The following SLC45A2 variants were observed in gnomAD, a reference collection of about 807,000 sequenced individuals.
SLC45A2 encodes solute carrier family 45 member 2.
A neutral mutation model predicts 45.5 loss-of-function variants in SLC45A2; 36 were observed. That is an observed-to-expected ratio of 0.79 (90% CI 0.61 to 1.04). The LOEUF is 1.04. Ranked by LOEUF, SLC45A2 falls within the 50% of genes least tolerant of loss-of-function variation. The pLI is 0.00. For synonymous variants in SLC45A2, 306 were observed against 269.3 expected (o/e 1.14, Z -1.33); for missense variants, 719 against 671.0 (o/e 1.07, Z -0.79).
At chr5:33,982,061 C>T (rs1753090238) in intron 2 of SLC45A2, among the ~76,000 whole-genome samples, 175 bp downstream of exon 2, 1 of 152,250 alleles carries the variant, frequency 6.6e-6, no homozygotes. Context: ...CAGCACTAGT[C>T]ACAAGCTGAC....
rs138114400 is a variant in SLC45A2, at chr5:33,945,668, G to A, written c.1369-796C>T. 1.6e-4 allele frequency among the ~76,000 whole-genome samples: 24 copies of A among 151,070 alleles called. No individual in the cohort carries two copies. In the East Asian group the frequency reaches 4.4e-3, roughly 28 times the overall value. ...CATTTTGAGTCTTTGTCGGGTGCTA[G>A]GGGGCACTATGCTAAGCACATCCAC... On this transcript the variant is annotated intron_variant, in intron 6 of 6. Coordinates refer to ENST00000296589, the MANE Select transcript of SLC45A2 (RefSeq NM_016180.5).
intron 2 of SLC45A2, among the ~76,000 whole-genome samples, chr5:33,979,212 T>C (rs1481930997): frequency 2.0e-5 from 3 of 152,202 alleles, no homozygotes; most frequent in African/African-American, 4.8e-5. Context: ...ACATGTAAGA[T>C]GTACATTGGT....
chr5:33,961,534 A>G (rs566206592), intron 3 of SLC45A2, among the ~76,000 whole-genome samples: 2 of 152,116 alleles, frequency 1.3e-5, no homozygotes, highest in East Asian at 3.9e-4. Flanking sequence ...CAAAATCTCT[A>G]TTCAAATCCT....
Position 33,947,322 on chromosome 5 carries a change from C to G in SLC45A2, c.1209G>C (p.Thr403=), listed in dbSNP as rs751793028. ...SYIGLKGLYF[T]GYLLFGLGTG... ...TCCCCAGGCCAAACAGCAAATATCCCGTGAAGTAAAGACCCTTTAATCCAA... is the reference window on the plus strand; with the variant it reads ...TCCCCAGGCCAAACAGCAAATATCCGGTGAAGTAAAGACCCTTTAATCCAA... The change falls in exon 6 of 7, where the codon ACG becomes ACC. Residue 403 remains threonine (T), a synonymous_variant. Transcript: ENST00000296589. The G allele has an allele frequency of 1.2e-6, 2 of 1,614,168 alleles. No individual in the cohort carries two copies. The highest frequency in any genetic ancestry group is 4.5e-5 in the East Asian group (2 of 44,880).
intron 2 of SLC45A2, among the ~76,000 whole-genome samples, chr5:33,964,835 T>C (rs529819955): frequency 6.6e-6 from 1 of 152,312 alleles, no homozygotes; most frequent in African/African-American, 2.4e-5. Context: ...AAAATACACG[T>C]GTTCCTGGTA....
At chr5:33,964,525 G>A (rs576023295) in intron 2 of SLC45A2, among the ~76,000 whole-genome samples, 81 of 152,276 alleles carry the variant, frequency 5.3e-4, no homozygotes, top group Middle Eastern at 3.4e-3. Flanking sequence ...TTGCAAAGAT[G>A]AAACACCCTC....
intron 3 of SLC45A2, among the ~76,000 whole-genome samples, chr5:33,955,281 A>G (rs916407447): frequency 6.6e-6 from 1 of 152,196 alleles, no homozygotes; most frequent in African/African-American, 2.4e-5. Flanking sequence ...GCATTCTGCC[A>G]ACATCCTGAA....
chr5:33,976,319 C>T (rs1752928562), intron 2 of SLC45A2, among the ~76,000 whole-genome samples: 1 of 152,204 alleles, frequency 6.6e-6, no homozygotes, highest in Admixed American at 6.5e-5. Flanking sequence ...ATCCCTTATC[C>T]TCTCACTCAT....
intron 3 of SLC45A2, among the ~76,000 whole-genome samples, chr5:33,957,678 A>G (rs1393700425): frequency 6.6e-6 from 1 of 152,188 alleles, no homozygotes; most frequent in East Asian, 1.9e-4. Flanking sequence ...CCAAGAAACA[A>G]CAGCCTGGTT....
intron 4 of SLC45A2, among the ~76,000 whole-genome samples, chr5:33,952,609 A>G (rs1752143764): frequency 6.6e-6 from 1 of 152,044 alleles, no homozygotes; most frequent in Non-Finnish European, 1.5e-5. Flanking sequence ...GCAGGCTGTA[A>G]GAATTTCATT....
At position 33,984,516 on chromosome 5, in the gene SLC45A2, T is replaced by A; in HGVS notation, c.68A>T (p.Asp23Val). ...GGGTCTTTTAGGCGGCTCCACAGAG[T>A]CAAAGGGGCCATCATCAGCTAGGGA... ...YKSLADDGPF[D>V]SVEPPKRPTS... The change falls in exon 1 of 7, where the codon GAC becomes GTC. Residue 23 changes from aspartate to valine, a missense_variant. Physicochemically the swap from Asp to Val is radical, Grantham distance 152 (BLOSUM62 -3). Coordinates refer to ENST00000296589, the MANE Select transcript of SLC45A2 (RefSeq NM_016180.5). The A allele has an allele frequency of 6.2e-7, 1 of 1,612,788 alleles. No individual in the cohort carries two copies.
chr5:33,969,065 C>CTCTCTCTCTCTCTCTCTCTCTCTCTGTG lies in SLC45A2; in HGVS notation c.563-5050_563-5049insCACAGAGAGAGAGAGAGAGAGAGAGAGA. 4.3e-4 allele frequency among the ~76,000 whole-genome samples: 44 copies of CTCTCTCTCTCTCTCTCTCTCTCTCTGTG among 102,454 alleles called. 1 individual carries two copies. The highest frequency in any genetic ancestry group is 7.8e-4 in the African/African-American group (21 of 27,026). The allele number at this position is 102,454 out of a possible 152,430, so 67.2% of individuals were successfully genotyped here. On this transcript the variant is annotated intron_variant, in intron 2 of 6. Transcript: ENST00000296589. ...AGCTACTCTCTCTCTCTCTCTCTCT[C>CTCTCTCTCTCTCTCTCTCTCTCTCTGTG]TGTGTGTGTGTGTGTGTGTGTGTGT...
At chr5:33,970,790 T>C in intron 2 of SLC45A2, 1 of 272,292 alleles carries the variant, frequency 3.7e-6, no homozygotes, top group Non-Finnish European at 7.2e-6. Flanking sequence ...AACACAATGT[T>C]CTTGTACTTG....
intron 2 of SLC45A2, among the ~76,000 whole-genome samples, chr5:33,969,404 T>G (rs966929774): frequency 3.9e-5 from 6 of 152,178 alleles, no homozygotes; most frequent in African/African-American, 1.4e-4. Flanking sequence ...TCAAAGATGC[T>G]GAGATAATAT....
chr5:33,972,365 G>GATTTGT, intron 2 of SLC45A2: 1 of 380,042 alleles, frequency 2.6e-6, no homozygotes, highest in Non-Finnish European at 5.3e-6. Context: ...AATACATATT[G>GATTTGT]ATTTGCCAAA....
In SLC45A2 at chr5:33,982,263, C is replaced by CCT. The variant is rs757344228; in HGVS notation, c.533_534dup (p.Gly179ArgfsTer23). 1.8e-5 allele frequency: 29 copies of CCT among 1,613,908 alleles called. No homozygotes were observed. The highest frequency in any genetic ancestry group is 2.4e-5 in the Non-Finnish European group (28 of 1,179,986). On this transcript the variant is annotated frameshift_variant, in exon 2 of 7. Coordinates refer to ENST00000296589, the MANE Select transcript of SLC45A2 (RefSeq NM_016180.5). LOFTEE classifies it high-confidence loss of function. ...GTGAAGAGGGCATGGTAGTGGAGGCCCTTCTCCTTGTCCTGATGGGAGCAG... is the reference window on the plus strand; with the variant it reads ...GTGAAGAGGGCATGGTAGTGGAGGCCCTCTTCTCCTTGTCCTGATGGGAGCAG...
rs2078183963 is a variant in SLC45A2, at chr5:33,947,501, G to C, written c.1157-127C>G. On this transcript the variant is annotated intron_variant, in intron 5 of 6. Coordinates refer to ENST00000296589, the MANE Select transcript of SLC45A2 (RefSeq NM_016180.5). Reference sequence around the variant, plus strand: ...CTTTGATACTGAGCCAGGAACAAAAGAATCCCCTTATCTGTGGGTTGAAAA... The same window carrying C: ...CTTTGATACTGAGCCAGGAACAAAACAATCCCCTTATCTGTGGGTTGAAAA... The C allele has an allele frequency of 6.0e-5, 55 of 914,674 alleles. 1 individual carries two copies. The South Asian group carries it at 8.1e-4, about 13-fold the overall frequency. 56.7% of individuals were successfully genotyped at this position (914,674 alleles called of 1,614,324 possible). A position where few individuals can be genotyped will look rare whatever the true frequency, so the allele number is the denominator to read the frequency against.
intron 3 of SLC45A2, among the ~76,000 whole-genome samples, chr5:33,955,656 C>A (rs181336154): frequency 0.01 from 1,530 of 151,300 alleles, 33 homozygotes; most frequent in African/African-American, 0.036. Context: ...CACACACACA[C>A]AAACACACAC....
Position 33,984,691 on chromosome 5 carries a change from G to T in SLC45A2, c.-108C>A. On this transcript the variant is annotated 5_prime_UTR_variant, in exon 1 of 7. Coordinates refer to ENST00000296589, the MANE Select transcript of SLC45A2 (RefSeq NM_016180.5). ...GGAGCCTGGCCGAGCAACCAACAGA[G>T]ATGGTCAGGCTGGGGGAGGGGCTCA... 1.3e-6 allele frequency: 2 copies of T among 1,482,706 alleles called. No individual in the cohort carries two copies. The highest frequency in any genetic ancestry group is 1.9e-6 in the Non-Finnish European group (2 of 1,080,590). The allele number at this position is 1,482,706 out of a possible 1,614,324, so 91.8% of individuals were successfully genotyped here.
Sources: gnomAD v4.1 joint callset for allele counts (sites outside exome capture counted in the v4.1 genomes callset) on GRCh38, gnomAD v4.1.1 for gene constraint, MANE v1.5 for transcripts, NCBI Gene and HGNC (gene_info 2026-07-23, HGNC 2026-07-21) for gene names.